The following USP45 variants were observed in gnomAD, a reference collection of about 807,000 sequenced individuals.
USP45 encodes the protein ubiquitin specific peptidase 45, also known as ubiquitin carboxyl-terminal hydrolase 45.
In USP45, 89 loss-of-function variants were observed where a neutral mutation model predicts 95.8. The ratio of observed to expected loss-of-function variants is 0.93; its 90% CI spans 0.78 to 1.11. USP45 has a LOEUF of 1.11. Among genes scored for constraint, USP45 ranks in the 50% least tolerant of loss-of-function variants. The probability of loss-of-function intolerance (pLI) is 0.00; values close to 1 mark genes in which losing one functional copy is unlikely to be tolerated. For synonymous variants in USP45, 281 were observed against 316.2 expected (o/e 0.89, Z 1.18); for missense variants, 898 against 942.5 (o/e 0.95, Z 0.62).
chr6:99,462,279 T>C (rs1786655758), intron 13 of USP45: 2 of 985,164 alleles, frequency 2.0e-6, no homozygotes, highest in African/African-American at 3.5e-5. Context: ...GTCCAGATCT[T>C]TGAGGTACAG....
intron 13 of USP45, among the ~76,000 whole-genome samples, chr6:99,456,701 G>A (rs965228556): frequency 3.4e-4 from 52 of 152,110 alleles, no homozygotes; most frequent in African/African-American, 9.4e-4. Flanking sequence ...TGTTGCCTCA[G>A]GACCATGTGA....
chr6:99,436,541 G>A (rs1484215090), intron 17 of USP45, among the ~76,000 whole-genome samples: 1 of 152,104 alleles, frequency 6.6e-6, no homozygotes, highest in Non-Finnish European at 1.5e-5. Context: ...GGGTGACAAA[G>A]TGAGACCTCA....
chr6:99,442,622 G>A (rs768905401), intron 15 of USP45, among the ~76,000 whole-genome samples: 15 of 152,244 alleles, frequency 9.9e-5, no homozygotes, highest in East Asian at 7.7e-4. Context: ...CGAGGTGGGC[G>A]GATCACCTGA....
Position 99,435,689 on chromosome 6 carries a change from G to T in USP45, c.*27C>A, listed in dbSNP as rs746895526. The T allele has an allele frequency of 6.3e-6, 10 of 1,593,284 alleles. No homozygotes were observed. Among genetic ancestry groups the T allele is most frequent in the South Asian group, 3.4e-5 (3 of 89,356 alleles). Reference sequence around the variant, plus strand: ...ATCACTGTGGCATTCAAAAACAAATGACCTAAATAATCATTACCATTAATA... The same window carrying T: ...ATCACTGTGGCATTCAAAAACAAATTACCTAAATAATCATTACCATTAATA... On this transcript the variant is annotated 3_prime_UTR_variant, in exon 18 of 18. Coordinates refer to ENST00000500704, the MANE Select transcript of USP45 (RefSeq NM_001346022.3).
chr6:99,488,140 AT>A, intron 7 of USP45, 59 bp downstream of exon 7: 1 of 1,158,510 alleles, frequency 8.6e-7, no homozygotes, highest in South Asian at 1.3e-5. Flanking sequence ...AGGAAAAGAG[AT>A]TTTGGTAACA....
rs1780240892 is a variant in USP45 at position 99,435,009 on chromosome 6, C to T, written c.*707G>A. ...AACCAGCAGATTATTTGTAAACCCA[C>T]ACTACTGAAATTACAGTGACACCCT... On this transcript the variant is annotated 3_prime_UTR_variant, in exon 18 of 18. Transcript: ENST00000500704. 1 of 152,556 alleles carries T rather than the reference C, an allele frequency of 6.6e-6. No homozygotes were observed. Among genetic ancestry groups the T allele is most frequent in the Non-Finnish European group, 1.5e-5 (1 of 68,008 alleles). The allele number at this position is 152,556 out of a possible 1,614,324, so 9.5% of individuals were successfully genotyped here. A position where few individuals can be genotyped will look rare whatever the true frequency, so the allele number is the denominator to read the frequency against.
At chr6:99,505,623 A>G (rs1178199692) in intron 4 of USP45, among the ~76,000 whole-genome samples, 1 of 142,716 alleles carries the variant, frequency 7.0e-6, no homozygotes, top group African/African-American at 2.7e-5. Flanking sequence ...CCTGGGTGAC[A>G]GAGTGAGATT....
intron 2 of USP45, among the ~76,000 whole-genome samples, chr6:99,509,553 G>A (rs1448208895): frequency 6.7e-6 from 1 of 150,336 alleles, no homozygotes; most frequent in East Asian, 2.0e-4. Flanking sequence ...AGGCTAAAGA[G>A]AAAACCAAGC....
chr6:99,510,047 C>A, intron 2 of USP45, 74 bp downstream of exon 2: 2 of 1,150,814 alleles, frequency 1.7e-6, no homozygotes, highest in Non-Finnish European at 2.6e-6. Flanking sequence ...GCGTTCAAAC[C>A]CATGTTGTTG....
chr6:99,511,578 T>C (rs1423940612), intron 1 of USP45, among the ~76,000 whole-genome samples: 2 of 152,024 alleles, frequency 1.3e-5, no homozygotes, highest in South Asian at 2.1e-4. Context: ...GCCTCCCAAG[T>C]AGCTAGGACT....
chr6:99,503,877 T>A lies in USP45; in HGVS notation c.378-12A>T. 6.7e-7 allele frequency: 1 copy of A among 1,495,100 alleles called. No individual in the cohort carries two copies. Among genetic ancestry groups the A allele is most frequent in the Non-Finnish European group, 9.0e-7 (1 of 1,105,618 alleles). The allele number at this position is 1,495,100 out of a possible 1,614,324, so 92.6% of individuals were successfully genotyped here. ...CACATTCATAACACCTGAAAAAGTATAAAATTTAAGAAAATATTATGAAAA... is the reference window on the plus strand; with the variant it reads ...CACATTCATAACACCTGAAAAAGTAAAAAATTTAAGAAAATATTATGAAAA... On this transcript the variant is annotated splice_polypyrimidine_tract_variant and intron_variant, in intron 4 of 17. Coordinates refer to ENST00000500704, the MANE Select transcript of USP45 (RefSeq NM_001346022.3).
Position 99,435,739 on chromosome 6 carries a change from G to A in USP45, c.2422C>T (p.Leu808Phe), listed in dbSNP as rs764688891. ...AGTTATAATACTCTTTCATAGAAAA[G>A]AAGGTAGGCTTGTGCACTAAGTGCT... ...SRALSAQAYL[L>F]FYERVL Residue 808 changes from leucine to phenylalanine, a missense_variant, in exon 18 of 18, where the codon CTT becomes TTT. Transcript: ENST00000500704. The A allele has an allele frequency of 6.2e-7, 1 of 1,612,864 alleles. No individual in the cohort carries two copies. Among genetic ancestry groups the A allele is most frequent in the Non-Finnish European group, 8.5e-7 (1 of 1,179,350 alleles).
intron 10 of USP45, chr6:99,468,002 A>T (rs1788420225): frequency 2.7e-6 from 1 of 369,820 alleles, no homozygotes; most frequent in Non-Finnish European, 5.4e-6. Context: ...AATGATAAAT[A>T]ACCAACTTTG....
At chr6:99,467,868 T>C (rs1788390010) in intron 10 of USP45, among the ~76,000 whole-genome samples, 1 of 152,006 alleles carries the variant, frequency 6.6e-6, no homozygotes, top group South Asian at 2.1e-4. Flanking sequence ...AAACAAAAGT[T>C]AGAAAAAAAT....
At chr6:99,446,490 A>G (rs1302624473) in intron 13 of USP45, 27 bp from the exon 14 acceptor site, 1 of 1,092,740 alleles carries the variant, frequency 9.2e-7, no homozygotes, top group Non-Finnish European at 1.2e-6. Context: ...TTTTCAAAGA[A>G]AAGAGTCTTG....
Position 99,498,388 on chromosome 6 carries a change from G to C in USP45, c.478+5377C>G, listed in dbSNP as rs964460074. ...AAAATCAAAAAGAATATAATCCAGA[G>C]TCCAGTCTTAAGGAACCTACAGTCT... On this transcript the variant is annotated intron_variant, in intron 5 of 17. Transcript: ENST00000500704. Among the ~76,000 whole-genome samples, 3 of 152,132 alleles carry C rather than the reference G, an allele frequency of 2.0e-5. No homozygotes were observed. In the East Asian group the frequency reaches 5.8e-4, roughly 29 times the overall value.
chr6:99,511,280 T>TG (rs2128818916), intron 1 of USP45, among the ~76,000 whole-genome samples: 1 of 152,090 alleles, frequency 6.6e-6, no homozygotes, highest in Non-Finnish European at 1.5e-5. Context: ...GCCTCCCAAG[T>TG]AGCTGGGATT....
rs1792725580 is a variant in USP45, at chr6:99,482,747, A to T, written c.845+6T>A. On this transcript the variant is annotated splice_donor_region_variant and intron_variant, in intron 8 of 17. Coordinates refer to ENST00000500704, the MANE Select transcript of USP45 (RefSeq NM_001346022.3). ...AATTATTTATATTAAATGTAGATGC[A>T]CCCACTTCTGACAAAGCTGATTAAA... The T allele has an allele frequency of 6.3e-7, 1 of 1,592,496 alleles. No individual in the cohort carries two copies. The highest frequency in any genetic ancestry group is 8.5e-7 in the Non-Finnish European group (1 of 1,171,458).
intron 8 of USP45, 70 bp downstream of exon 8, chr6:99,482,683 C>A: frequency 7.1e-7 from 1 of 1,410,292 alleles, no homozygotes; most frequent in South Asian, 1.7e-5. Flanking sequence ...AACGACTATT[C>A]ATGTTAAATG....
Sources: allele counts gnomAD v4.1 joint callset (sites outside exome capture counted in the v4.1 genomes callset), GRCh38; gene constraint gnomAD v4.1.1; transcripts MANE v1.5; gene names NCBI Gene and HGNC (gene_info 2026-07-23, HGNC 2026-07-21).